HIVEP2: variants seen among roughly 807,000 people sequenced by gnomAD.
HIVEP2 encodes HIVEP zinc finger 2.
A neutral mutation model predicts 180.7 loss-of-function variants in HIVEP2; 14 were observed. That is an observed-to-expected ratio of 0.08 (90% confidence interval 0.05 to 0.12). HIVEP2 has a LOEUF of 0.12. Ranked by LOEUF, HIVEP2 falls within the 10% of genes least tolerant of loss-of-function variation. The pLI is 1.00. For synonymous variants in HIVEP2, 1,184 were observed against 1,136.4 expected, an observed-to-expected ratio of 1.04 and a Z score of -0.84; for missense variants, 2,579 against 3,008.5, an observed-to-expected ratio of 0.86 and a Z score of 3.34.
At chr6:142,828,089 T>C (rs999797423) in intron 2 of HIVEP2, among the ~76,000 whole-genome samples, 1 of 152,166 alleles carries the variant, frequency 6.6e-6, no homozygotes, top group African/African-American at 2.4e-5. Context: ...ATCACAACAT[T>C]GGTGATGACT....
intron 2 of HIVEP2, among the ~76,000 whole-genome samples, chr6:142,818,733 AAAAGAAAGAAAGAAAGAAAG>A (rs766314719): frequency 6.7e-4 from 28 of 41,792 alleles, no homozygotes; most frequent in East Asian, 6.2e-3. Context: ...AGAAAGAAAG[AAAAGAAAGAAAGAAAGAAAG>A]AAAGAAAGAA....
rs2103602 is a variant in HIVEP2 at position 142,796,687 on chromosome 6, C to G, written c.-527-13072G>C. Among the ~76,000 whole-genome samples the G allele has an allele frequency of 1.3e-3, 202 of 152,272 alleles. 2 individuals are homozygous for G. The highest frequency in any genetic ancestry group is 4.4e-3 in the African/African-American group (184 of 41,568). ...CTCTGCTTCTGGGGAGCACTTCTAG[C>G]ATTAGTAATGGCACTTCCTGTGGGT... On this transcript the variant is annotated intron_variant, in intron 2 of 9. Transcript: ENST00000367603.
intron 1 of HIVEP2, among the ~76,000 whole-genome samples, chr6:142,912,577 C>T (rs1270991550): frequency 6.6e-6 from 1 of 152,346 alleles, no homozygotes; most frequent in South Asian, 2.1e-4. Flanking sequence ...GGAACCGCGT[C>T]GCACAGCACC....
chr6:142,807,985 C>T (rs1776593575), intron 2 of HIVEP2, among the ~76,000 whole-genome samples: 1 of 152,192 alleles, frequency 6.6e-6, no homozygotes, highest in African/African-American at 2.4e-5. Flanking sequence ...TGCTCAAAGC[C>T]TTTCAGTGAC....
At chr6:142,786,669 A>G (rs1776006762) in intron 2 of HIVEP2, among the ~76,000 whole-genome samples, 1 of 152,242 alleles carries the variant, frequency 6.6e-6, no homozygotes, top group Admixed American at 6.5e-5. Context: ...TAAGCTAAGC[A>G]AGAGTCAAGC....
At chr6:142,796,537 C>T (rs1465703118) in intron 2 of HIVEP2, among the ~76,000 whole-genome samples, 1 of 151,918 alleles carries the variant, frequency 6.6e-6, no homozygotes, top group Non-Finnish European at 1.5e-5. Context: ...TTTATTGATC[C>T]CATTAAGTTT....
chr6:142,804,406 G>C (rs935467848), intron 2 of HIVEP2, among the ~76,000 whole-genome samples: 3 of 152,058 alleles, frequency 2.0e-5, no homozygotes, highest in Non-Finnish European at 4.4e-5. Context: ...AGAACATCAG[G>C]ATTCATAACT....
At chr6:142,900,123 C>T (rs1342352566) in intron 1 of HIVEP2, among the ~76,000 whole-genome samples, 1 of 152,142 alleles carries the variant, frequency 6.6e-6, no homozygotes, top group African/African-American at 2.4e-5. Context: ...CCATGTATCT[C>T]CTGGATTGGC....
intron 1 of HIVEP2, among the ~76,000 whole-genome samples, chr6:142,861,445 G>A (rs1405471755): frequency 6.6e-6 from 1 of 152,136 alleles, no homozygotes; most frequent in Non-Finnish European, 1.5e-5. Context: ...AATAACATTG[G>A]AGGAACTATA....
intron 1 of HIVEP2, among the ~76,000 whole-genome samples, chr6:142,903,279 T>C (rs1402129344): frequency 1.3e-5 from 2 of 152,248 alleles, no homozygotes; most frequent in Non-Finnish European, 2.9e-5. Flanking sequence ...GTTGATTGAA[T>C]GTACACTTTA....
rs1217365724 is a variant in HIVEP2, at chr6:142,783,353, A to C, written c.-433+168T>G. Among the ~76,000 whole-genome samples the C allele has an allele frequency of 2.1e-5, 3 of 142,920 alleles. No homozygotes were observed. The East Asian group carries it at 6.1e-4, about 29-fold the overall frequency. 93.8% of individuals were successfully genotyped at this position (142,920 alleles called of 152,430 possible). A position where few individuals can be genotyped will look rare whatever the true frequency, so the allele number is the denominator to read the frequency against. On this transcript the variant is annotated intron_variant, in intron 3 of 9. Coordinates refer to ENST00000367603, the MANE Select transcript of HIVEP2 (RefSeq NM_006734.4). Reference sequence around the variant, plus strand: ...AAAAAAAAAAAAAAAAAAAAAAAAGACTAGTCTACTATGAAAAACAAAATA... The same window carrying C: ...AAAAAAAAAAAAAAAAAAAAAAAAGCCTAGTCTACTATGAAAAACAAAATA...
At chr6:142,876,078 A>G (rs1045732733) in intron 1 of HIVEP2, among the ~76,000 whole-genome samples, 1 of 152,118 alleles carries the variant, frequency 6.6e-6, no homozygotes, top group Admixed American at 6.6e-5. Context: ...GAGAAAGTGT[A>G]GTGTCATGGA....
chr6:142,903,672 A>G (rs1777188847), intron 1 of HIVEP2, among the ~76,000 whole-genome samples: 1 of 152,168 alleles, frequency 6.6e-6, no homozygotes, highest in Admixed American at 6.5e-5. Flanking sequence ...TAATTCACAC[A>G]CTAATTCTGA....
At chr6:142,762,021 T>C (rs998208216) in intron 7 of HIVEP2, among the ~76,000 whole-genome samples, 1 of 152,170 alleles carries the variant, frequency 6.6e-6, no homozygotes, top group African/African-American at 2.4e-5. Context: ...CTGTGACTGA[T>C]CAGGTACAGA....
intron 1 of HIVEP2, among the ~76,000 whole-genome samples, chr6:142,857,270 A>C (rs917207535): frequency 1.3e-5 from 2 of 152,238 alleles, no homozygotes; most frequent in Non-Finnish European, 2.9e-5. Flanking sequence ...ACTTAAAAAA[A>C]AATCCAAATA....
In HIVEP2 at chr6:142,777,542, G is replaced by A. The variant is rs1582849915; in HGVS notation, c.-432-1351C>T. Among the ~76,000 whole-genome samples, 3 of 150,884 alleles carry A rather than the reference G, an allele frequency of 2.0e-5. No individual in the cohort carries two copies. In the South Asian group the frequency reaches 6.3e-4, roughly 32 times the overall value. Reference sequence around the variant, plus strand: ...GCATGCCTGTAATCCCAGCTACTTGGGAGGCTGAGGCAGGAGAATTGTTTG... The same window carrying A: ...GCATGCCTGTAATCCCAGCTACTTGAGAGGCTGAGGCAGGAGAATTGTTTG... On this transcript the variant is annotated intron_variant, in intron 3 of 9. Transcript: ENST00000367603.
At chr6:142,785,681 T>C (rs1287925780) in intron 2 of HIVEP2, among the ~76,000 whole-genome samples, 1 of 152,224 alleles carries the variant, frequency 6.6e-6, no homozygotes, top group South Asian at 2.1e-4. Context: ...TTTCCAGTCT[T>C]ACTTTCTAAG....
intron 2 of HIVEP2, among the ~76,000 whole-genome samples, chr6:142,823,434 G>A (rs571422211): frequency 6.6e-6 from 1 of 152,316 alleles, no homozygotes; most frequent in South Asian, 2.1e-4. Flanking sequence ...ATGCCCTGAA[G>A]GTTCGTGGAT....
chr6:142,857,215 T>C (rs898179030), intron 1 of HIVEP2, among the ~76,000 whole-genome samples: 2 of 149,696 alleles, frequency 1.3e-5, no homozygotes, highest in Non-Finnish European at 3.0e-5. Context: ...CATGAGCAAA[T>C]TAGAAAAAAA....
Sources: gnomAD v4.1 joint callset for allele counts (sites outside exome capture counted in the v4.1 genomes callset) on GRCh38, gnomAD v4.1.1 for gene constraint, MANE v1.5 for transcripts, NCBI Gene and HGNC (gene_info 2026-07-23, HGNC 2026-07-21) for gene names.